VMP1: variants seen among roughly 807,000 people sequenced by gnomAD.
The protein encoded by VMP1 is ectopic P-granules autophagy protein 3 homolog.
In VMP1, 11 loss-of-function variants were observed where a neutral mutation model predicts 56.0. The observed-to-expected ratio is 0.20, with a 90% CI of 0.12 to 0.32. The LOEUF (loss-of-function observed/expected upper bound fraction) is 0.32, where lower values mean the gene tolerates loss of function less well. Among genes scored for constraint, VMP1 ranks in the 10% least tolerant of loss-of-function variants. The probability of loss-of-function intolerance (pLI) is 1.00; values close to 1 mark genes in which losing one functional copy is unlikely to be tolerated. For missense variants in VMP1, 296 were observed against 490.3 expected (o/e 0.60, Z 3.74); for synonymous variants, 149 against 165.0 (o/e 0.90, Z 0.74).
intron 1 of VMP1, among the ~76,000 whole-genome samples, chr17:59,726,195 T>C (rs1313638274): frequency 6.6e-6 from 1 of 152,160 alleles, no homozygotes; most frequent in Admixed American, 6.5e-5. Context: ...TTATCATATA[T>C]TTAGATATTT....
rs2034984115 is a variant in VMP1, at chr17:59,735,468, C to G, written c.207C>G (p.Thr69=). 12 of 1,613,860 alleles carry G rather than the reference C, an allele frequency of 7.4e-6. No homozygotes were observed. Among genetic ancestry groups the G allele is most frequent in the Non-Finnish European group, 1.0e-5 (12 of 1,179,976 alleles). Residue 69 remains threonine, a synonymous_variant, in exon 3 of 12, where the codon ACC becomes ACG. Transcript: ENST00000262291. ...LEILVILKEW[T]SKLWHRQSIV... Reference sequence around the variant, plus strand: ...TCCTTGTAATCTTGAAGGAATGGACCTCAAAGTAAAGAGTCTTCTCCCACT... The same window carrying G: ...TCCTTGTAATCTTGAAGGAATGGACGTCAAAGTAAAGAGTCTTCTCCCACT...
chr17:59,779,116 C>T (rs918516139), intron 7 of VMP1, among the ~76,000 whole-genome samples: 2 of 152,136 alleles, frequency 1.3e-5, no homozygotes, highest in Non-Finnish European at 2.9e-5. Context: ...ATATTCAGTA[C>T]GAAGGGGTTA....
intron 9 of VMP1, among the ~76,000 whole-genome samples, chr17:59,813,056 T>C (rs573433654): frequency 6.6e-6 from 1 of 152,266 alleles, no homozygotes; most frequent in South Asian, 2.1e-4. Flanking sequence ...AAGGGAAGAA[T>C]GAAACAGGAA....
intron 5 of VMP1, among the ~76,000 whole-genome samples, chr17:59,744,993 A>G (rs7215180): frequency 0.26 from 39,582 of 152,062 alleles, 5,534 homozygotes; most frequent in East Asian, 0.44. Flanking sequence ...AGCACTACTA[A>G]CAACAAAAAA....
At chr17:59,733,259 A>T (rs963979142) in intron 2 of VMP1, among the ~76,000 whole-genome samples, 2 of 152,126 alleles carry the variant, frequency 1.3e-5, no homozygotes, top group African/African-American at 2.4e-5. Context: ...CTGTACTTTA[A>T]TCACTCTTCT....
At chr17:59,809,554 G>C (rs2665401) in intron 8 of VMP1, among the ~76,000 whole-genome samples, 2 of 121,418 alleles carry the variant, frequency 1.6e-5, no homozygotes, top group Non-Finnish European at 3.2e-5. Flanking sequence ...TCGCCCAGGC[G>C]GTAGTGCAGT....
chr17:59,731,624 A>G (rs1161605819), intron 2 of VMP1, 102 bp downstream of exon 2: 5 of 809,452 alleles, frequency 6.2e-6, no homozygotes, highest in Non-Finnish European at 8.7e-6. Context: ...TTTTAATCTT[A>G]TATTATCTTC....
chr17:59,801,112 A>ATATGTGTGTG (rs1296238370), intron 7 of VMP1, among the ~76,000 whole-genome samples: 3 of 110,324 alleles, frequency 2.7e-5, no homozygotes, highest in African/African-American at 8.8e-5. Context: ...ATATATATAT[A>ATATGTGTGTG]TGTGTGTGTG....
At chr17:59,709,587 A>G (rs926808344) in intron 1 of VMP1, among the ~76,000 whole-genome samples, 2 of 152,254 alleles carry the variant, frequency 1.3e-5, no homozygotes, top group African/African-American at 2.4e-5. Flanking sequence ...GAGATATGTC[A>G]GTGTAGAATA....
intron 1 of VMP1, among the ~76,000 whole-genome samples, chr17:59,728,112 A>G (rs1054819336): frequency 1.3e-5 from 2 of 152,336 alleles, no homozygotes; most frequent in South Asian, 4.1e-4. Flanking sequence ...AAAAAGGAGA[A>G]TATTACAGTG....
chr17:59,799,249 A>G (rs1303414123), intron 7 of VMP1, among the ~76,000 whole-genome samples: 4 of 152,226 alleles, frequency 2.6e-5, no homozygotes, highest in African/African-American at 9.6e-5. Flanking sequence ...CTTTCAGAAT[A>G]AAATATCCTT....
intron 6 of VMP1, among the ~76,000 whole-genome samples, chr17:59,768,498 G>A (rs2036310270): frequency 6.6e-6 from 1 of 152,044 alleles, no homozygotes; most frequent in African/African-American, 2.4e-5. Context: ...TGCTACTCGG[G>A]ATGCTGAGGC....
chr17:59,782,483 A>G (rs1175926319), intron 7 of VMP1, among the ~76,000 whole-genome samples: 2 of 152,220 alleles, frequency 1.3e-5, no homozygotes, highest in South Asian at 2.1e-4. Flanking sequence ...TTGCTAAGCT[A>G]TAACTTTACT....
At chr17:59,804,329 T>A (rs1197496972) in intron 7 of VMP1, among the ~76,000 whole-genome samples, 1 of 152,108 alleles carries the variant, frequency 6.6e-6, no homozygotes, top group South Asian at 2.1e-4. Context: ...TAAAATAAAT[T>A]TGGGCCTGGC....
At chr17:59,766,452 C>T (rs556326943) in intron 6 of VMP1, among the ~76,000 whole-genome samples, 1 of 152,156 alleles carries the variant, frequency 6.6e-6, no homozygotes, top group East Asian at 1.9e-4. Flanking sequence ...TGCAGTGAAC[C>T]GAGACCCGCC....
intron 10 of VMP1, among the ~76,000 whole-genome samples, chr17:59,823,344 G>A (rs2038517805): frequency 6.6e-6 from 1 of 151,806 alleles, no homozygotes; most frequent in Non-Finnish European, 1.5e-5. Flanking sequence ...TCAGCTATTT[G>A]GGAGGCTGAG....
chr17:59,791,331 G>A (rs2037219758), intron 7 of VMP1, among the ~76,000 whole-genome samples: 1 of 151,772 alleles, frequency 6.6e-6, no homozygotes, highest in Admixed American at 6.6e-5. Context: ...TGGGATTACA[G>A]GTGCCTGCCA....
At chr17:59,791,752 C>T (rs1440849707) in intron 7 of VMP1, among the ~76,000 whole-genome samples, 1 of 152,136 alleles carries the variant, frequency 6.6e-6, no homozygotes, top group African/African-American at 2.4e-5. Context: ...GCATGAGCCA[C>T]CATGCCTGGC....
chr17:59,728,823 T>G (rs1210076107), intron 1 of VMP1, among the ~76,000 whole-genome samples: 1 of 152,162 alleles, frequency 6.6e-6, no homozygotes, highest in Admixed American at 6.5e-5. Context: ...GAAACATAAT[T>G]CACATATCAT....
Sources: allele counts gnomAD v4.1 joint callset (sites outside exome capture counted in the v4.1 genomes callset), GRCh38; gene constraint gnomAD v4.1.1; transcripts MANE v1.5; gene names NCBI Gene and HGNC (gene_info 2026-07-23, HGNC 2026-07-21).